Variants in PAN3 observed in about 807,000 individuals in gnomAD.
PAN3 encodes the protein poly(A) specific ribonuclease subunit PAN3.
A neutral mutation model predicts 96.2 loss-of-function variants in PAN3; 19 were observed. That is an observed-to-expected ratio of 0.20 (90% confidence interval 0.14 to 0.29). The LOEUF is 0.29. PAN3 is among the 10% of genes least tolerant of loss of function. The pLI is 1.00. For missense variants in PAN3, 882 were observed against 1,108.1 expected (o/e 0.80, Z 2.90); for synonymous variants, 433 against 406.6 (o/e 1.06, Z -0.78).
At chr13:28,219,695 G>C (rs1242186540) in intron 5 of PAN3, among the ~76,000 whole-genome samples, 1 of 152,288 alleles carries the variant, frequency 6.6e-6, no homozygotes, top group Admixed American at 6.5e-5. Context: ...GATCGCTTTA[G>C]TTTTTCTTAT....
At chr13:28,197,674 G>C (rs568724088) in intron 5 of PAN3, among the ~76,000 whole-genome samples, 7 of 152,016 alleles carry the variant, frequency 4.6e-5, no homozygotes, top group East Asian at 3.9e-4. Context: ...CCAGATTCAA[G>C]ATACCATGCC....
chr13:28,188,472 G>A (rs1040615798), intron 4 of PAN3, among the ~76,000 whole-genome samples: 1 of 152,138 alleles, frequency 6.6e-6, no homozygotes, highest in African/African-American at 2.4e-5. Flanking sequence ...ATGGTGGTGT[G>A]CACGCATAGT....
intron 5 of PAN3, chr13:28,214,578 C>T: frequency 2.6e-6 from 1 of 385,472 alleles, no homozygotes; most frequent in African/African-American, 2.1e-5. Context: ...GGCAAGTCCA[C>T]CACTACTGGC....
chr13:28,232,707 A>G (rs945793802), intron 6 of PAN3: 4 of 152,190 alleles, frequency 2.6e-5, no homozygotes, highest in African/African-American at 9.6e-5. Flanking sequence ...AATGATATGC[A>G]CAGAATTACA....
At chr13:28,242,689 T>G (rs1883793135) in intron 6 of PAN3, among the ~76,000 whole-genome samples, 1 of 152,184 alleles carries the variant, frequency 6.6e-6, no homozygotes, top group Non-Finnish European at 1.5e-5. Flanking sequence ...TTTTTTGATG[T>G]GTGGGTACAT....
At position 28,239,446 on chromosome 13, in the gene PAN3, T is replaced by C. The variant is rs1344012173; in HGVS notation, c.1001-16846T>C. ...CCCATGACATATAGATGCCTTTGGT[T>C]CATTGGCTACTTCTGTAGTTGAAAG... On this transcript the variant is annotated intron_variant, in intron 6 of 18. Transcript: ENST00000380958. 1.4e-5 allele frequency: 5 copies of C among 370,342 alleles called. No individual in the cohort carries two copies. The East Asian group carries it at 3.8e-4, about 28-fold the overall frequency. 22.9% of individuals were successfully genotyped at this position (370,342 alleles called of 1,614,324 possible). A position where few individuals can be genotyped will look rare whatever the true frequency, so the allele number is the denominator to read the frequency against.
intron 6 of PAN3, among the ~76,000 whole-genome samples, chr13:28,228,601 C>T (rs1882234361): frequency 6.6e-6 from 1 of 152,024 alleles, no homozygotes. Context: ...AGCATGGTAT[C>T]CCTATACATA....
intron 1 of PAN3, among the ~76,000 whole-genome samples, chr13:28,144,390 T>C (rs1870312201): frequency 6.6e-6 from 1 of 151,818 alleles, no homozygotes; most frequent in South Asian, 2.1e-4. Flanking sequence ...AATTTTTTTG[T>C]ATTTTTAGTA....
rs149559680 is a variant in PAN3 at position 28,159,504 on chromosome 13, A to G, written c.431-14768A>G. On this transcript the variant is annotated intron_variant, in intron 1 of 18. Transcript: ENST00000380958. Reference sequence around the variant, plus strand: ...CTCTTGTTTCCCAGGCTGGAGTGCAATGGCACAAATCTTGGCTCACTGCAA... The same window carrying G: ...CTCTTGTTTCCCAGGCTGGAGTGCAGTGGCACAAATCTTGGCTCACTGCAA... Among the ~76,000 whole-genome samples the G allele has an allele frequency of 8.1e-3, 1,239 of 152,254 alleles. 6 individuals are homozygous for G. The highest frequency in any genetic ancestry group is 0.011 in the Non-Finnish European group (751 of 68,010).
intron 5 of PAN3, among the ~76,000 whole-genome samples, chr13:28,207,958 A>G (rs894346083): frequency 1.3e-5 from 2 of 152,160 alleles, no homozygotes; most frequent in Non-Finnish European, 2.9e-5. Flanking sequence ...AGTGTCTTTT[A>G]TATATTAGGT....
chr13:28,280,843 G>A (rs1356348488), intron 16 of PAN3, among the ~76,000 whole-genome samples: 2 of 152,180 alleles, frequency 1.3e-5, no homozygotes, highest in Non-Finnish European at 2.9e-5. Context: ...TTACAGGCGT[G>A]AGCCATTGCA....
intron 5 of PAN3, 50 bp from the exon 6 acceptor site, chr13:28,220,181 C>G: frequency 6.4e-7 from 1 of 1,551,270 alleles, no homozygotes; most frequent in East Asian, 2.3e-5. Context: ...GATTCAATGT[C>G]TTTTTTCGGC....
At chr13:28,245,127 A>G (rs759719504) in intron 6 of PAN3, among the ~76,000 whole-genome samples, 13 of 152,180 alleles carry the variant, frequency 8.5e-5, no homozygotes, top group Non-Finnish European at 1.2e-4. Context: ...GATTATAGGC[A>G]TGAGCCAATG....
chr13:28,208,515 A>G (rs1879642574), intron 5 of PAN3, among the ~76,000 whole-genome samples: 1 of 152,148 alleles, frequency 6.6e-6, no homozygotes, highest in Non-Finnish European at 1.5e-5. Flanking sequence ...ACTTGAGACT[A>G]TAAGTGTTTC....
intron 2 of PAN3, among the ~76,000 whole-genome samples, chr13:28,175,171 A>G (rs1044040021): frequency 1.3e-5 from 2 of 152,182 alleles, no homozygotes; most frequent in South Asian, 4.1e-4. Flanking sequence ...AGTTTCTGTG[A>G]TGTACTACTG....
intron 1 of PAN3, among the ~76,000 whole-genome samples, chr13:28,142,127 A>T (rs1160806576): frequency 6.6e-6 from 1 of 152,142 alleles, no homozygotes; most frequent in African/African-American, 2.4e-5. Flanking sequence ...TTCCTTATGG[A>T]TGGAGATTTC....
intron 4 of PAN3, among the ~76,000 whole-genome samples, chr13:28,193,509 A>C (rs1181950851): frequency 6.6e-6 from 1 of 152,074 alleles, no homozygotes; most frequent in African/African-American, 2.4e-5. Flanking sequence ...TGGGAGGCCA[A>C]GACAGGCAGA....
At chr13:28,145,356 A>C (rs967064756) in intron 1 of PAN3, among the ~76,000 whole-genome samples, 1 of 151,792 alleles carries the variant, frequency 6.6e-6, no homozygotes, top group East Asian at 1.9e-4. Context: ...ACAGAGTCTC[A>C]CTCTATCACC....
intron 4 of PAN3, among the ~76,000 whole-genome samples, chr13:28,185,361 G>A (rs12583036): frequency 0.12 from 17,505 of 152,112 alleles, 1,160 homozygotes; most frequent in East Asian, 0.33. Context: ...AAGAGTATTC[G>A]TGGTTGAGTT....
Sources: allele counts gnomAD v4.1 joint callset (sites outside exome capture counted in the v4.1 genomes callset), GRCh38; gene constraint gnomAD v4.1.1; transcripts MANE v1.5; gene names NCBI Gene and HGNC (gene_info 2026-07-23, HGNC 2026-07-21).